The following GABRB2 variants were observed in gnomAD, a reference collection of about 807,000 sequenced individuals.
GABRB2 encodes the protein gamma-aminobutyric acid type A receptor subunit beta2, also known as gamma-aminobutyric acid receptor subunit beta-2.
In GABRB2, 16 loss-of-function variants were observed where a neutral mutation model predicts 54.7. The observed-to-expected ratio is 0.29, with a 90% CI of 0.20 to 0.44. The LOEUF (loss-of-function observed/expected upper bound fraction) is 0.44. GABRB2 is among the 20% of genes least tolerant of loss of function. The pLI is 1.00. For missense variants in GABRB2, 355 were observed against 644.0 expected (o/e 0.55, Z 4.86); for synonymous variants, 244 against 233.8 (o/e 1.04, Z -0.40).
At chr5:161,520,929 T>C (rs1397763230) in intron 3 of GABRB2, among the ~76,000 whole-genome samples, 1 of 152,164 alleles carries the variant, frequency 6.6e-6, no homozygotes, top group South Asian at 2.1e-4. Context: ...CTGCAATACA[T>C]TGACTCACAA....
intron 9 of GABRB2, among the ~76,000 whole-genome samples, chr5:161,296,982 G>C (rs2113338777): frequency 6.6e-6 from 1 of 152,308 alleles, no homozygotes; most frequent in Middle Eastern, 3.4e-3. Flanking sequence ...TGATTATTAT[G>C]ACATGCCATA....
intron 5 of GABRB2, among the ~76,000 whole-genome samples, chr5:161,360,156 C>T (rs1451682007): frequency 1.3e-5 from 2 of 151,916 alleles, no homozygotes; most frequent in Non-Finnish European, 2.9e-5. Context: ...ATGACAAATC[C>T]TGTAGCACTG....
intron 5 of GABRB2, among the ~76,000 whole-genome samples, chr5:161,338,129 A>G (rs1754045116): frequency 6.6e-6 from 1 of 152,108 alleles, no homozygotes; most frequent in Non-Finnish European, 1.5e-5. Flanking sequence ...TTTTTTTTCA[A>G]AGAAGTAGGA....
At chr5:161,410,111 A>G (rs1037470427) in intron 5 of GABRB2, among the ~76,000 whole-genome samples, 1 of 152,188 alleles carries the variant, frequency 6.6e-6, no homozygotes, top group Non-Finnish European at 1.5e-5. Flanking sequence ...CTCATTATTT[A>G]GAATTCTGGA....
chr5:161,366,499 T>C (rs923545842), intron 5 of GABRB2, among the ~76,000 whole-genome samples: 7 of 152,090 alleles, frequency 4.6e-5, no homozygotes, highest in African/African-American at 1.7e-4. Flanking sequence ...TAACTAAAAA[T>C]TTTTTTTCTA....
chr5:161,432,697 A>G (rs561695371), intron 4 of GABRB2, among the ~76,000 whole-genome samples: 55 of 152,234 alleles, frequency 3.6e-4, no homozygotes, highest in African/African-American at 1.3e-3. Flanking sequence ...AGATGAGTGT[A>G]GGGCCCAGAA....
intron 5 of GABRB2, among the ~76,000 whole-genome samples, chr5:161,393,290 T>C (rs923671776): frequency 1.7e-5 from 2 of 119,154 alleles, no homozygotes; most frequent in Non-Finnish European, 3.4e-5. Context: ...TTATAACTCT[T>C]TAAAAATGTA....
intron 3 of GABRB2, among the ~76,000 whole-genome samples, chr5:161,508,350 G>A (rs766225041): frequency 2.0e-5 from 3 of 148,906 alleles, no homozygotes; most frequent in Non-Finnish European, 4.5e-5. Context: ...TAGATGGAGA[G>A]GCAAGTGATA....
chr5:161,333,059 T>C (rs568879278), intron 7 of GABRB2, among the ~76,000 whole-genome samples: 12 of 152,186 alleles, frequency 7.9e-5, no homozygotes, highest in African/African-American at 4.8e-5. Flanking sequence ...TTACTACTTA[T>C]CTAAATCTCA....
chr5:161,307,380 A>T (rs898273649), intron 9 of GABRB2, among the ~76,000 whole-genome samples: 1 of 152,232 alleles, frequency 6.6e-6, no homozygotes, highest in African/African-American at 2.4e-5. Flanking sequence ...CTCAATAAAT[A>T]TCTGCTGAAA....
intron 5 of GABRB2, among the ~76,000 whole-genome samples, chr5:161,399,737 T>C (rs1390324576): frequency 1.3e-5 from 2 of 152,192 alleles, no homozygotes; most frequent in African/African-American, 4.8e-5. Context: ...ATACATTCAC[T>C]TGCTAACATG....
chr5:161,423,901 G>A (rs1407165254), intron 4 of GABRB2, among the ~76,000 whole-genome samples: 2 of 152,116 alleles, frequency 1.3e-5, no homozygotes, highest in African/African-American at 4.8e-5. Context: ...TGATAAGAAA[G>A]CATAACAACA....
At chr5:161,374,696 G>A (rs545840894) in intron 5 of GABRB2, among the ~76,000 whole-genome samples, 2 of 152,070 alleles carry the variant, frequency 1.3e-5, no homozygotes, top group African/African-American at 2.4e-5. Context: ...TACCTTATTG[G>A]ATTGACCTTT....
intron 4 of GABRB2, among the ~76,000 whole-genome samples, chr5:161,424,137 A>G (rs1756930003): frequency 6.6e-6 from 1 of 152,212 alleles, no homozygotes; most frequent in Non-Finnish European, 1.5e-5. Flanking sequence ...TCTCCATAAC[A>G]TAAAAGTGCA....
intron 3 of GABRB2, among the ~76,000 whole-genome samples, chr5:161,493,438 A>G (rs1282151769): frequency 6.6e-6 from 1 of 151,734 alleles, no homozygotes; most frequent in East Asian, 1.9e-4. Context: ...ACTAATCATT[A>G]TAGTTATTTC....
intron 5 of GABRB2, among the ~76,000 whole-genome samples, chr5:161,400,448 C>T (rs1756148532): frequency 6.6e-6 from 1 of 152,034 alleles, no homozygotes; most frequent in Non-Finnish European, 1.5e-5. Context: ...CCTCCCGCTA[C>T]AAAATTTGCC....
intron 9 of GABRB2, among the ~76,000 whole-genome samples, chr5:161,319,657 C>A (rs1254429599): frequency 6.6e-6 from 1 of 151,358 alleles, no homozygotes; most frequent in African/African-American, 2.4e-5. Flanking sequence ...AGTGTTGGTA[C>A]CTTATTTACG....
intron 5 of GABRB2, among the ~76,000 whole-genome samples, chr5:161,361,212 T>C (rs1356017863): frequency 6.6e-6 from 1 of 152,018 alleles, no homozygotes; most frequent in Non-Finnish European, 1.5e-5. Context: ...AACAACCAAA[T>C]TGTTAAAAAA....
At chr5:161,506,424 C>A (rs1759608288) in intron 3 of GABRB2, among the ~76,000 whole-genome samples, 1 of 152,052 alleles carries the variant, frequency 6.6e-6, no homozygotes, top group African/African-American at 2.4e-5. Flanking sequence ...ACTAGCCTAA[C>A]CAAAACAATT....
Sources: gnomAD v4.1 joint callset for allele counts (sites outside exome capture counted in the v4.1 genomes callset) on GRCh38, gnomAD v4.1.1 for gene constraint, MANE v1.5 for transcripts, NCBI Gene and HGNC (gene_info 2026-07-23, HGNC 2026-07-21) for gene names.